The following SH3GL2 variants were observed in gnomAD, a reference collection of about 807,000 sequenced individuals.
SH3GL2 encodes the protein endophilin-A1.
In SH3GL2, 24 loss-of-function variants were observed where a neutral mutation model predicts 46.0. The observed-to-expected ratio is 0.52, with a 90% CI of 0.38 to 0.73. The LOEUF (loss-of-function observed/expected upper bound fraction) is 0.73, where lower values mean the gene tolerates loss of function less well. Ranked by LOEUF, SH3GL2 falls within the 30% of genes least tolerant of loss-of-function variation. The probability of loss-of-function intolerance (pLI) is 0.00; values close to 1 mark genes in which losing one functional copy is unlikely to be tolerated. For missense variants in SH3GL2, 413 were observed against 424.2 expected (o/e 0.97, Z 0.23); for synonymous variants, 196 against 147.1 (o/e 1.33, Z -2.40).
At chr9:17,694,735 C>G (rs7858905) in intron 1 of SH3GL2, among the ~76,000 whole-genome samples, 4,319 of 152,128 alleles carry the variant, frequency 0.028, 192 homozygotes, top group African/African-American at 0.099. Context: ...TTTCCATGTG[C>G]CAGTAAAATG....
At chr9:17,676,052 G>C (rs956047324) in intron 1 of SH3GL2, among the ~76,000 whole-genome samples, 1 of 152,200 alleles carries the variant, frequency 6.6e-6, no homozygotes. Flanking sequence ...GTAACCAAAG[G>C]GGGCTGGAGA....
At chr9:17,662,578 C>CT (rs1330907683) in intron 1 of SH3GL2, among the ~76,000 whole-genome samples, 1 of 152,038 alleles carries the variant, frequency 6.6e-6, no homozygotes, top group Non-Finnish European at 1.5e-5. Context: ...TTTAGTGACT[C>CT]TTTCAGTCAG....
intron 1 of SH3GL2, among the ~76,000 whole-genome samples, chr9:17,626,742 A>G (rs1819290514): frequency 6.6e-6 from 1 of 151,460 alleles, no homozygotes; most frequent in Admixed American, 6.7e-5. Context: ...TCTTGTGGAC[A>G]TTTGACAGTC....
intron 1 of SH3GL2, among the ~76,000 whole-genome samples, chr9:17,740,465 A>AGTATTGTATTGTATTGTATT (rs137877310): frequency 0.063 from 9,582 of 151,238 alleles, 431 homozygotes; most frequent in Middle Eastern, 0.12. Flanking sequence ...TATGTCATCA[A>AGTATTGTATTGTATTGTATT]GTATTGTATT....
rs1410992694 is a variant in SH3GL2 at position 17,747,049 on chromosome 9, G to T, written c.46-17G>T. 6.5e-7 allele frequency: 1 copy of T among 1,549,870 alleles called. No individual in the cohort carries two copies. On this transcript the variant is annotated splice_polypyrimidine_tract_variant and intron_variant, in intron 1 of 8. Transcript: ENST00000380607. Reference sequence around the variant, plus strand: ...AAACTGTTTATAATAATTCTCCTTTGTGGTTATTTTCTACAGAAAGTGAGT... The same window carrying T: ...AAACTGTTTATAATAATTCTCCTTTTTGGTTATTTTCTACAGAAAGTGAGT...
chr9:17,648,140 A>T (rs1485903224), intron 1 of SH3GL2, among the ~76,000 whole-genome samples: 1 of 152,226 alleles, frequency 6.6e-6, no homozygotes, highest in East Asian at 1.9e-4. Flanking sequence ...CTTCCAGTTA[A>T]CAGTAGGCTA....
rs945440316 is a variant in SH3GL2 at position 17,579,097 on chromosome 9, C to T, written c.-146C>T. 5 of 507,196 alleles carry T rather than the reference C, an allele frequency of 9.9e-6. No individual in the cohort carries two copies. The highest frequency in any genetic ancestry group is 7.5e-5 in the East Asian group (2 of 26,672). The allele number at this position is 507,196 out of a possible 1,614,324, so 31.4% of individuals were successfully genotyped here. A position where few individuals can be genotyped will look rare whatever the true frequency, so the allele number is the denominator to read the frequency against. On this transcript the variant is annotated 5_prime_UTR_variant, in exon 1 of 9. Transcript: ENST00000380607. ...GTGTTTCTCCGCAAGAGCCCGTGTCCCGCTAGGCTCCGCGCCCTCGCGCCC... is the reference window on the plus strand; with the variant it reads ...GTGTTTCTCCGCAAGAGCCCGTGTCTCGCTAGGCTCCGCGCCCTCGCGCCC...
At chr9:17,773,136 T>C (rs974252974) in intron 3 of SH3GL2, among the ~76,000 whole-genome samples, 5 of 152,180 alleles carry the variant, frequency 3.3e-5, no homozygotes, top group African/African-American at 4.8e-5. Flanking sequence ...ATGTCTTCTT[T>C]GGGGAAATGT....
intron 1 of SH3GL2, among the ~76,000 whole-genome samples, chr9:17,587,462 T>G (rs1009308807): frequency 1.3e-5 from 2 of 152,216 alleles, no homozygotes; most frequent in African/African-American, 4.8e-5. Flanking sequence ...AAATCTGCCC[T>G]CTTTGGGAAC....
At chr9:17,599,840 T>A (rs946814821) in intron 1 of SH3GL2, among the ~76,000 whole-genome samples, 4 of 151,932 alleles carry the variant, frequency 2.6e-5, no homozygotes, top group African/African-American at 4.8e-5. Flanking sequence ...TTTCTTAAAA[T>A]TTTTTTTGAT....
chr9:17,766,238 G>A (rs1480908645), intron 3 of SH3GL2, among the ~76,000 whole-genome samples: 3 of 152,214 alleles, frequency 2.0e-5, no homozygotes, highest in African/African-American at 4.8e-5. Flanking sequence ...AGGCTTAAAC[G>A]TCTGCCCTGT....
chr9:17,659,143 G>A (rs1820155534), intron 1 of SH3GL2, among the ~76,000 whole-genome samples: 2 of 152,236 alleles, frequency 1.3e-5, no homozygotes, highest in South Asian at 2.1e-4. Flanking sequence ...GAAAAAGAAC[G>A]GGAAAGGGCA....
intron 1 of SH3GL2, among the ~76,000 whole-genome samples, chr9:17,693,857 C>G (rs749496247): frequency 3.9e-5 from 6 of 152,020 alleles, no homozygotes; most frequent in Non-Finnish European, 7.4e-5. Flanking sequence ...GGTAACCACC[C>G]CTGTCTTGGT....
intron 1 of SH3GL2, among the ~76,000 whole-genome samples, chr9:17,664,971 A>G (rs942824976): frequency 2.0e-5 from 3 of 152,046 alleles, no homozygotes; most frequent in Non-Finnish European, 4.4e-5. Context: ...AGTTTCTTTT[A>G]ATTTTAAAAT....
chr9:17,719,102 C>G (rs1349055190), intron 1 of SH3GL2, among the ~76,000 whole-genome samples: 1 of 152,064 alleles, frequency 6.6e-6, no homozygotes, highest in Non-Finnish European at 1.5e-5. Context: ...TACTTTTAAG[C>G]TCACTGCATA....
intron 1 of SH3GL2, among the ~76,000 whole-genome samples, chr9:17,710,579 A>G (rs1229782911): frequency 6.6e-6 from 1 of 152,036 alleles, no homozygotes; most frequent in East Asian, 1.9e-4. Context: ...GAAAGCAGAG[A>G]CTTGAGCAGA....
At chr9:17,631,131 A>G (rs1289547706) in intron 1 of SH3GL2, among the ~76,000 whole-genome samples, 1 of 152,194 alleles carries the variant, frequency 6.6e-6, no homozygotes, top group Non-Finnish European at 1.5e-5. Flanking sequence ...TATAGAGGAA[A>G]AAACCCGCAA....
At chr9:17,771,011 A>G (rs748296547) in intron 3 of SH3GL2, among the ~76,000 whole-genome samples, 2 of 152,156 alleles carry the variant, frequency 1.3e-5, no homozygotes, top group Admixed American at 1.3e-4. Context: ...ACTTGCAGAA[A>G]CTGTGAGGTA....
chr9:17,586,489 T>G (rs1394676027), intron 1 of SH3GL2, among the ~76,000 whole-genome samples: 2 of 152,214 alleles, frequency 1.3e-5, no homozygotes, highest in Non-Finnish European at 2.9e-5. Flanking sequence ...TATCAAGCTA[T>G]GTATTAGTCT....
Sources: gnomAD v4.1 joint callset for allele counts (sites outside exome capture counted in the v4.1 genomes callset) on GRCh38, gnomAD v4.1.1 for gene constraint, MANE v1.5 for transcripts, NCBI Gene and HGNC (gene_info 2026-07-23, HGNC 2026-07-21) for gene names.